The following SLC6A16 variants were observed in gnomAD, a reference collection of about 807,000 sequenced individuals.
The protein encoded by SLC6A16 is solute carrier family 6 member 16.
A neutral mutation model predicts 65.4 loss-of-function variants in SLC6A16; 54 were observed. The observed-to-expected ratio is 0.83, with a 90% CI of 0.66 to 1.04. The LOEUF is 1.04. SLC6A16 is among the 50% of genes least tolerant of loss of function. SLC6A16 has a pLI of 0.00. For synonymous variants in SLC6A16, 330 were observed against 346.5 expected (o/e 0.95, Z 0.53); for missense variants, 816 against 914.0 (o/e 0.89, Z 1.38).
intron 7 of SLC6A16, among the ~76,000 whole-genome samples, chr19:49,299,997 CAA>C (rs889761825): frequency 1.9e-3 from 95 of 48,992 alleles, no homozygotes; most frequent in African/African-American, 5.9e-3. Flanking sequence ...GACTCTGTCT[CAA>C]AAAAAAAAAA....
chr19:49,325,043 C>T lies in SLC6A16; in HGVS notation c.-65+5G>A, dbSNP rs1970776994. On this transcript the variant is annotated splice_donor_5th_base_variant and intron_variant, in intron 1 of 11. Transcript: ENST00000335875. ...TTTTAGGGCTCCCTGGGCCGTGACC[C>T]TCACCCTAGCCCCAAGGCTTCTGCC... 1 of 985,380 alleles carries T rather than the reference C, an allele frequency of 1.0e-6. No homozygotes were observed. Among genetic ancestry groups the T allele is most frequent in the Non-Finnish European group, 1.2e-6 (1 of 829,992 alleles). The allele number at this position is 985,380 out of a possible 1,614,324, so 61.0% of individuals were successfully genotyped here. A position where few individuals can be genotyped will look rare whatever the true frequency, so the allele number is the denominator to read the frequency against.
chr19:49,327,545 G>A (rs927275860), upstream of SLC6A16, among the ~76,000 whole-genome samples: 2 of 152,226 alleles, frequency 1.3e-5, no homozygotes, highest in African/African-American at 4.8e-5. Flanking sequence ...CAAGGCACCA[G>A]GAAAAGTCTC....
chr19:49,310,171 G>A lies in SLC6A16; in HGVS notation c.574-5C>T. 1.9e-6 allele frequency: 3 copies of A among 1,614,058 alleles called. No homozygotes were observed. Among genetic ancestry groups the A allele is most frequent in the Admixed American group, 1.7e-5 (1 of 60,010 alleles). On this transcript the variant is annotated splice_polypyrimidine_tract_variant and splice_region_variant and intron_variant, in intron 3 of 11. Coordinates refer to ENST00000335875, the MANE Select transcript of SLC6A16 (RefSeq NM_014037.3). ...CAGGCCGAGGATGAAGCACACCTGG[G>A]GGCCAAGGAGGATATGGCTGGGGAG... is the stretch of plus-strand genomic sequence containing the variant.
chr19:49,296,411 T>C (rs1970187242), intron 7 of SLC6A16, among the ~76,000 whole-genome samples: 1 of 152,222 alleles, frequency 6.6e-6, no homozygotes, highest in African/African-American at 2.4e-5. Context: ...TGTAATACCT[T>C]AGTAATCAAA....
chr19:49,309,278 G>T, intron 6 of SLC6A16, 23 bp downstream of exon 6: 1 of 1,592,518 alleles, frequency 6.3e-7, no homozygotes, highest in Admixed American at 1.7e-5. Flanking sequence ...GGCCTGACGG[G>T]GGAGTGAGGA....
At position 49,294,029 on chromosome 19, in the gene SLC6A16, CT is replaced by C. The variant is rs1293233682; in HGVS notation, c.1417-2del. ...ATGCAAACTTTGGGCCCTCGCTAGCCTGCAAAGAGAACAAAGAGGTGTTAAA... is the reference window on the plus strand; with the variant it reads ...ATGCAAACTTTGGGCCCTCGCTAGCCGCAAAGAGAACAAAGAGGTGTTAAA... On this transcript the variant is annotated splice_acceptor_variant, in intron 8 of 11. Transcript: ENST00000335875. LOFTEE classifies it high-confidence loss of function. 2.5e-6 allele frequency: 4 copies of C among 1,609,542 alleles called. No homozygotes were observed. Among genetic ancestry groups the C allele is most frequent in the African/African-American group, 1.3e-5 (1 of 74,848 alleles).
intron 7 of SLC6A16, among the ~76,000 whole-genome samples, chr19:49,295,816 A>T (rs1482149530): frequency 6.6e-6 from 1 of 152,158 alleles, no homozygotes; most frequent in Non-Finnish European, 1.5e-5. Flanking sequence ...AAGGATCAGA[A>T]TAGAAGTTCC....
At chr19:49,309,910 T>G in intron 4 of SLC6A16, 84 bp from the exon 5 acceptor site, 1 of 1,499,612 alleles carries the variant, frequency 6.7e-7, no homozygotes, top group Non-Finnish European at 9.2e-7. Context: ...CCCTTTTCTC[T>G]TTCCCTCTCC....
chr19:49,334,982 T>C, the SLC6A16 span, among the ~76,000 whole-genome samples: 1 of 151,808 alleles, frequency 6.6e-6, no homozygotes, highest in African/African-American at 2.4e-5. Flanking sequence ...GGAGAGACTC[T>C]GCTGAGATAA....
the SLC6A16 span, chr19:49,339,508 C>T: frequency 6.6e-7 from 1 of 1,521,326 alleles, no homozygotes; most frequent in Non-Finnish European, 9.0e-7. This position sits in a 1 kb window ranked among gnomAD's most constrained non-coding sequence, Gnocchi z 4.5. Context: ...GAAGGACGAG[C>T]TCAGGGCGGA....
intron 7 of SLC6A16, among the ~76,000 whole-genome samples, chr19:49,297,622 C>G (rs559301738): frequency 1.5e-4 from 23 of 152,296 alleles, no homozygotes; most frequent in African/African-American, 5.5e-4. Flanking sequence ...TATGTCCATA[C>G]AAGGACTTGT....
Position 49,309,058 on chromosome 19 carries a change from GT to G in SLC6A16, c.1046del (p.Asn349ThrfsTer4). Reference protein sequence around the residue: ...WSLAGGQVLSNTGIGLGSVAS... With the variant: ...WSLAGGQVLSXTGIGLGSVAS... ...CAACGGAGCCAAGGCCTATGCCTGTGTTAGACAAAACTTGACCCCCTGCTAG... is the reference window on the plus strand; with the variant it reads ...CAACGGAGCCAAGGCCTATGCCTGTGTAGACAAAACTTGACCCCCTGCTAG... On this transcript the variant is annotated frameshift_variant, in exon 7 of 12. Coordinates refer to ENST00000335875, the MANE Select transcript of SLC6A16 (RefSeq NM_014037.3). LOFTEE classifies it high-confidence loss of function. 1 of 1,614,192 alleles carries G rather than the reference GT, an allele frequency of 6.2e-7. No homozygotes were observed. Among genetic ancestry groups the G allele is most frequent in the Admixed American group, 1.7e-5 (1 of 60,026 alleles).
rs1970042915 is a variant in SLC6A16, at chr19:49,290,036, G to C, written c.*87C>G. The C allele has an allele frequency of 7.2e-6, 10 of 1,385,462 alleles. No homozygotes were observed. The East Asian group carries it at 2.3e-4, about 32-fold the overall frequency. The allele number at this position is 1,385,462 out of a possible 1,614,324, so 85.8% of individuals were successfully genotyped here. A position where few individuals can be genotyped will look rare whatever the true frequency, so the allele number is the denominator to read the frequency against. ...GGAAATAAAAGTGGTTCTGGATCCA[G>C]GGAGATCAACAGTTGCAAGCTGATA... On this transcript the variant is annotated 3_prime_UTR_variant, in exon 12 of 12. Coordinates refer to ENST00000335875, the MANE Select transcript of SLC6A16 (RefSeq NM_014037.3).
At chr19:49,331,106 G>C in the SLC6A16 span, among the ~76,000 whole-genome samples, 1 of 152,086 alleles carries the variant, frequency 6.6e-6, no homozygotes, top group Non-Finnish European at 1.5e-5. Flanking sequence ...CGAAATTAAG[G>C]TGTCAGCACG....
chr19:49,290,569 C>T lies in SLC6A16; in HGVS notation c.1941+36G>A, dbSNP rs368688747. On this transcript the variant is annotated intron_variant, in intron 11 of 11. Transcript: ENST00000335875. ...AGTGAATTGAAAGGTCTGGCCCCTA[C>T]TCCCAAAGGGGTTCTGGGTCCTGGG... 5 of 1,610,318 alleles carry T rather than the reference C, an allele frequency of 3.1e-6. No individual in the cohort carries two copies. In the African/African-American group the frequency reaches 5.3e-5, roughly 17 times the overall value.
chr19:49,332,452 G>A, the SLC6A16 span: 11 of 366,158 alleles, frequency 3.0e-5, no homozygotes, highest in African/African-American at 8.5e-5. Flanking sequence ...ACATTTACTC[G>A]GGAGGCTGAG....
intron 4 of SLC6A16, 46 bp from the exon 5 acceptor site, chr19:49,309,872 C>G: frequency 6.3e-7 from 1 of 1,593,812 alleles, no homozygotes; most frequent in East Asian, 2.2e-5. Flanking sequence ...AAGGTACCCC[C>G]TCTTCTTCCT....
chr19:49,308,748 A>G, intron 7 of SLC6A16, 128 bp downstream of exon 7: 1 of 1,060,796 alleles, frequency 9.4e-7, no homozygotes, highest in Non-Finnish European at 1.4e-6. Flanking sequence ...TGGGGAAGGT[A>G]GAGGGCTTGC....
chr19:49,329,195 C>A (rs554911008), upstream of SLC6A16, among the ~76,000 whole-genome samples: 69 of 152,126 alleles, frequency 4.5e-4, no homozygotes, highest in African/African-American at 1.5e-3. Flanking sequence ...CAGGTTCAAG[C>A]AATTCTCCTG....
Sources: gnomAD v4.1 joint callset for allele counts (sites outside exome capture counted in the v4.1 genomes callset) on GRCh38, gnomAD v4.1.1 for gene constraint, Gnocchi (gnomAD v3.1) non-coding constraint, MANE v1.5 for transcripts, NCBI Gene and HGNC (gene_info 2026-07-23, HGNC 2026-07-21) for gene names.